The following BFSP2 variants were observed in gnomAD, a reference collection of about 807,000 sequenced individuals.
The protein encoded by BFSP2 is beaded filament structural protein 2.
A neutral mutation model predicts 44.9 loss-of-function variants in BFSP2; 38 were observed. The observed-to-expected ratio is 0.85, with a 90% CI of 0.65 to 1.11. The LOEUF (loss-of-function observed/expected upper bound fraction) is 1.11, where lower values mean the gene tolerates loss of function less well. BFSP2 is among the 50% of genes least tolerant of loss of function. BFSP2 has a pLI of 0.00. For missense variants in BFSP2, 525 were observed against 533.0 expected, an observed-to-expected ratio of 0.99 and a Z score of 0.15; for synonymous variants, 197 against 209.9, an observed-to-expected ratio of 0.94 and a Z score of 0.53.
intron 4 of BFSP2, among the ~76,000 whole-genome samples, chr3:133,456,250 A>G (rs986323067): frequency 6.6e-5 from 10 of 152,230 alleles, no homozygotes; most frequent in African/African-American, 2.4e-4. Flanking sequence ...TTCATGTCAC[A>G]TGTCAGGATG....
intron 4 of BFSP2, among the ~76,000 whole-genome samples, chr3:133,457,120 T>G (rs1279068288): frequency 2.6e-5 from 4 of 152,244 alleles, no homozygotes; most frequent in Non-Finnish European, 5.9e-5. Context: ...CTGGGAAAGT[T>G]CCTTTCCAGG....
intron 4 of BFSP2, 117 bp downstream of exon 4, chr3:133,450,581 C>T (rs1576588362): frequency 8.4e-7 from 1 of 1,193,352 alleles, no homozygotes; most frequent in East Asian, 2.4e-5. Flanking sequence ...CAAGTTCAAC[C>T]TCATTAGAAA....
At chr3:133,473,733 T>C (rs2074188671) in intron 6 of BFSP2, among the ~76,000 whole-genome samples, 1 of 151,822 alleles carries the variant, frequency 6.6e-6, no homozygotes. Flanking sequence ...CATTTAACCC[T>C]GAGTGGACAC....
intron 1 of BFSP2, among the ~76,000 whole-genome samples, chr3:133,428,449 C>T (rs1024702603): frequency 2.0e-5 from 3 of 148,368 alleles, no homozygotes; most frequent in Non-Finnish European, 3.0e-5. Flanking sequence ...GGAGTGAATG[C>T]ACATGGAACG....
intron 1 of BFSP2, among the ~76,000 whole-genome samples, chr3:133,427,278 A>C (rs1232562351): frequency 6.6e-6 from 1 of 152,226 alleles, no homozygotes; most frequent in African/African-American, 2.4e-5. Context: ...AGTGCTTAGC[A>C]GCTCAAGGAA....
intron 1 of BFSP2, among the ~76,000 whole-genome samples, chr3:133,424,232 T>TGGG (rs2073622935): frequency 7.5e-6 from 1 of 133,950 alleles, no homozygotes; most frequent in Admixed American, 7.2e-5. Flanking sequence ...TTTTTTTTTT[T>TGGG]TTTTTTTTTG....
At position 133,472,579 on chromosome 3, in the gene BFSP2, C is replaced by T; in HGVS notation, c.1244+14C>T. The T allele has an allele frequency of 1.2e-6, 2 of 1,609,122 alleles. No homozygotes were observed. The highest frequency in any genetic ancestry group is 2.2e-4 in the Middle Eastern group (1 of 4,464). On this transcript the variant is annotated intron_variant, in intron 6 of 6. Transcript: ENST00000302334. The stretch of plus-strand genomic sequence containing the variant: ...GGAGGAGAGCGGGTAAGCCTCGCTT[C>T]CGCGTCAATTATCCAAGAGATGCAT...
At position 133,400,214 on chromosome 3, in the gene BFSP2, C is replaced by T. The variant is rs112170363; in HGVS notation, c.131C>T (p.Thr44Ile). ...CTGGAGAGCCCCCCAGCCTCCAGGA[C>T]CAATGCCATGAGTGGCCTTGTCCGA... ...SSLESPPASR[T>I]NAMSGLVRAP... The change falls in exon 1 of 7, where the codon ACC (threonine) becomes ATC (isoleucine). Residue 44 changes from threonine (T) to isoleucine (I), a missense_variant. Coordinates refer to ENST00000302334, the MANE Select transcript of BFSP2 (RefSeq NM_003571.4). This position sits in a 1 kb window ranked among gnomAD's most constrained non-coding sequence, Gnocchi z 4.0. The T allele has an allele frequency of 1.9e-6, 3 of 1,613,944 alleles. No individual in the cohort carries two copies. The highest frequency in any genetic ancestry group is 2.5e-6 in the Non-Finnish European group (3 of 1,180,006).
intron 4 of BFSP2, among the ~76,000 whole-genome samples, chr3:133,461,264 C>CT (rs1471115466): frequency 6.6e-6 from 1 of 152,156 alleles, no homozygotes; most frequent in African/African-American, 2.4e-5. Context: ...GAACACATTG[C>CT]TTTTCTCTTC....
intron 4 of BFSP2, among the ~76,000 whole-genome samples, chr3:133,465,335 A>G (rs142387073): frequency 2.4e-4 from 36 of 152,272 alleles, no homozygotes; most frequent in African/African-American, 8.7e-4. Context: ...CCAGTCCATT[A>G]GATTGGACTG....
chr3:133,403,663 AAAC>A (rs1362653425), intron 1 of BFSP2, among the ~76,000 whole-genome samples: 4 of 152,172 alleles, frequency 2.6e-5, no homozygotes, highest in Admixed American at 6.5e-5. Context: ...AATGTTTGGG[AAAC>A]AACATTTCCT....
intron 1 of BFSP2, among the ~76,000 whole-genome samples, chr3:133,436,325 CAAAAAA>C (rs57060416): frequency 1.3e-5 from 1 of 78,102 alleles, no homozygotes; most frequent in Non-Finnish European, 2.7e-5. Flanking sequence ...GACTCTGTCT[CAAAAAA>C]AAAAAAAAAA....
chr3:133,430,837 C>T lies in BFSP2; in HGVS notation c.490-16480C>T, dbSNP rs144176101. On this transcript the variant is annotated intron_variant, in intron 1 of 6. Coordinates refer to ENST00000302334, the MANE Select transcript of BFSP2 (RefSeq NM_003571.4). ...CACCAGGCCGAGCTAGGTCCCAATT[C>T]TTCCTCAGCCTCCGCTCCTCCACCC... 7.8e-3 allele frequency among the ~76,000 whole-genome samples: 1,192 copies of T among 152,212 alleles called. 35 individuals carry two copies. Among genetic ancestry groups the T allele is most frequent in the East Asian group, 0.049 (254 of 5,172 alleles).
chr3:133,442,920 C>T lies in BFSP2; in HGVS notation c.490-4397C>T, dbSNP rs149083013. ...TTGCCCAGGCTGGAGTGCAGTGGTGCGATCTCAGCTCACTGCTACCTCTGC... is the reference window on the plus strand; with the variant it reads ...TTGCCCAGGCTGGAGTGCAGTGGTGTGATCTCAGCTCACTGCTACCTCTGC... On this transcript the variant is annotated intron_variant, in intron 1 of 6. Transcript: ENST00000302334. 2.7e-3 allele frequency among the ~76,000 whole-genome samples: 403 copies of T among 151,018 alleles called. 5 individuals carry two copies. The highest frequency in any genetic ancestry group is 9.2e-3 in the African/African-American group (380 of 41,084).
At chr3:133,473,458 A>AG (rs2074185859) in intron 6 of BFSP2, among the ~76,000 whole-genome samples, 1 of 150,896 alleles carries the variant, frequency 6.6e-6, no homozygotes, top group South Asian at 2.1e-4. Context: ...AAAAAAAAAA[A>AG]AGGCTTTTTC....
chr3:133,411,402 T>C (rs2073452337), intron 1 of BFSP2, among the ~76,000 whole-genome samples: 1 of 152,034 alleles, frequency 6.6e-6, no homozygotes, highest in African/African-American at 2.4e-5. Flanking sequence ...TAATTTTATT[T>C]ATATCTATAA....
rs771990008 is a variant in BFSP2 at position 133,472,501 on chromosome 3, C to T, written c.1180C>T (p.Arg394Cys). The part of the protein sequence containing the change: ...QQQERAHLLA[R>C]KCQLQKDVAS... ...ACAGGAGCGCGCGCATCTGCTGGCC[C>T]GCAAGTGCCAGCTGCAGAAGGACGT... is the stretch of plus-strand genomic sequence containing the variant. Residue 394 changes from arginine to cysteine, a missense_variant, in exon 6 of 7, where the codon CGC becomes TGC. Coordinates refer to ENST00000302334, the MANE Select transcript of BFSP2 (RefSeq NM_003571.4). The T allele has an allele frequency of 2.5e-6, 4 of 1,613,140 alleles. No individual in the cohort carries two copies. The highest frequency in any genetic ancestry group is 1.3e-5 in the African/African-American group (1 of 74,914).
rs539501301 is a variant in BFSP2 at position 133,447,010 on chromosome 3, C to T, written c.490-307C>T. On this transcript the variant is annotated intron_variant, in intron 1 of 6. Coordinates refer to ENST00000302334, the MANE Select transcript of BFSP2 (RefSeq NM_003571.4). ...CTTCATCTAAGGAGCCGGACTCTGCCCTGGAGAGATGAAAGCTTGTCACTG... is the reference window on the plus strand; with the variant it reads ...CTTCATCTAAGGAGCCGGACTCTGCTCTGGAGAGATGAAAGCTTGTCACTG... Among the ~76,000 whole-genome samples the T allele has an allele frequency of 2.7e-4, 41 of 152,076 alleles. No individual in the cohort carries two copies. In the South Asian group the frequency reaches 5.6e-3, roughly 21 times the overall value.
At chr3:133,474,013 A>T (rs1430981331) in intron 6 of BFSP2, among the ~76,000 whole-genome samples, 1 of 152,174 alleles carries the variant, frequency 6.6e-6, no homozygotes, top group Non-Finnish European at 1.5e-5. Flanking sequence ...CAGACTCCAT[A>T]GTGGAGGCAG....
Sources: gnomAD v4.1 joint callset for allele counts (sites outside exome capture counted in the v4.1 genomes callset) on GRCh38, gnomAD v4.1.1 for gene constraint, Gnocchi (gnomAD v3.1) non-coding constraint, MANE v1.5 for transcripts, NCBI Gene and HGNC (gene_info 2026-07-23, HGNC 2026-07-21) for gene names.